CPED1: variants seen among roughly 807,000 people sequenced by gnomAD.
CPED1 encodes the protein cadherin like and PC-esterase domain containing 1.
A neutral mutation model predicts 128.2 loss-of-function variants in CPED1; 114 were observed. The ratio of observed to expected loss-of-function variants is 0.89; its 90% CI spans 0.76 to 1.04. CPED1 has a LOEUF of 1.04. Among genes scored for constraint, CPED1 ranks in the 50% least tolerant of loss-of-function variants. CPED1 has a pLI of 0.00. For synonymous variants in CPED1, 462 were observed against 426.7 expected (o/e 1.08, Z -1.02); for missense variants, 1,211 against 1,207.1 (o/e 1.00, Z -0.05).
At chr7:121,038,504 A>T (rs1433033427) in intron 3 of CPED1, among the ~76,000 whole-genome samples, 1 of 152,166 alleles carries the variant, frequency 6.6e-6, no homozygotes, top group African/African-American at 2.4e-5. Context: ...CTTTGGTGAC[A>T]TGTATAATTA....
At chr7:121,125,672 T>A (rs1795485184) in intron 8 of CPED1, 148 bp from the exon 9 acceptor site, 1 of 630,032 alleles carries the variant, frequency 1.6e-6, no homozygotes, top group African/African-American at 1.8e-5. Flanking sequence ...TAGTATTCCA[T>A]GGTGTGTATG....
At chr7:121,259,626 A>G (rs1037466285) in intron 18 of CPED1, among the ~76,000 whole-genome samples, 2 of 152,068 alleles carry the variant, frequency 1.3e-5, no homozygotes, top group Admixed American at 1.3e-4. Context: ...TGAGAACATA[A>G]TTTTGTAATC....
chr7:121,112,185 G>T (rs1795127384), intron 7 of CPED1, among the ~76,000 whole-genome samples: 1 of 152,136 alleles, frequency 6.6e-6, no homozygotes, highest in Non-Finnish European at 1.5e-5. Context: ...TGCTTGTATA[G>T]TAGATCGAAT....
chr7:121,234,819 G>A (rs1227411908), intron 16 of CPED1, among the ~76,000 whole-genome samples: 2 of 152,068 alleles, frequency 1.3e-5, no homozygotes, highest in Non-Finnish European at 2.9e-5. Context: ...ACACGTACAC[G>A]TGTGTATTTC....
chr7:121,185,484 A>G (rs1563058083), intron 16 of CPED1, among the ~76,000 whole-genome samples: 1 of 152,168 alleles, frequency 6.6e-6, no homozygotes, highest in South Asian at 2.1e-4. Context: ...TAAATGCACA[A>G]TATACAAAAC....
At chr7:121,101,781 A>T (rs1479262901) in intron 7 of CPED1, among the ~76,000 whole-genome samples, 1 of 151,990 alleles carries the variant, frequency 6.6e-6, no homozygotes, top group Non-Finnish European at 1.5e-5. Flanking sequence ...AGCAAGAGAG[A>T]TGCCAGGCTC....
At chr7:121,107,273 T>A (rs1481342054) in intron 7 of CPED1, among the ~76,000 whole-genome samples, 2 of 152,118 alleles carry the variant, frequency 1.3e-5, no homozygotes, top group Non-Finnish European at 2.9e-5. Flanking sequence ...AAGGCTTAAC[T>A]TTTTCATCAC....
intron 4 of CPED1, among the ~76,000 whole-genome samples, chr7:121,053,079 A>G (rs538533007): frequency 6.6e-6 from 1 of 152,218 alleles, no homozygotes; most frequent in South Asian, 2.1e-4. Flanking sequence ...TAATACAAAG[A>G]TTTTTCCAAA....
chr7:121,148,749 G>C (rs1284636838), intron 16 of CPED1, among the ~76,000 whole-genome samples: 1 of 152,160 alleles, frequency 6.6e-6, no homozygotes, highest in Non-Finnish European at 1.5e-5. Context: ...GTGGGTCCTA[G>C]TCACTTTTCC....
At chr7:121,072,867 A>G (rs1402593546) in intron 5 of CPED1, among the ~76,000 whole-genome samples, 2 of 152,200 alleles carry the variant, frequency 1.3e-5, no homozygotes, top group African/African-American at 4.8e-5. Context: ...TTTTTTAGAC[A>G]TTGACTCAAG....
At chr7:121,078,270 C>T (rs1466737577) in intron 5 of CPED1, among the ~76,000 whole-genome samples, 1 of 152,078 alleles carries the variant, frequency 6.6e-6, no homozygotes, top group East Asian at 1.9e-4. Flanking sequence ...GTCTCAATTT[C>T]TTGACCTTGT....
In CPED1 at chr7:121,100,069, C is replaced by CAAAGAA; in HGVS notation, c.897_902dup (p.Lys300_Lys301dup). 6.2e-7 allele frequency: 1 copy of CAAAGAA among 1,611,690 alleles called. No individual in the cohort carries two copies. The highest frequency in any genetic ancestry group is 8.5e-7 in the Non-Finnish European group (1 of 1,179,106). On this transcript the variant is annotated inframe_insertion, in exon 7 of 23. Coordinates refer to ENST00000310396, the MANE Select transcript of CPED1 (RefSeq NM_024913.5). The stretch of plus-strand genomic sequence containing the variant: ...TCGACGGGCACAGTTTGGAATCCAC[C>CAAAGAA]AAAGAAAAAACGCTTCACTGTCAAG...
chr7:121,035,849 TA>T (rs5887007), intron 3 of CPED1, among the ~76,000 whole-genome samples: 120,835 of 151,022 alleles, frequency 0.8, 48,601 homozygotes, highest in East Asian at 0.94. Context: ...ATAATAATAA[TA>T]AAAAAAAATA....
chr7:121,179,827 A>G (rs1312490346), intron 16 of CPED1, among the ~76,000 whole-genome samples: 1 of 152,088 alleles, frequency 6.6e-6, no homozygotes. Flanking sequence ...CAAATAAATT[A>G]TATTGCTTTG....
intron 18 of CPED1, among the ~76,000 whole-genome samples, chr7:121,264,702 A>G (rs568671537): frequency 7.2e-5 from 11 of 152,138 alleles, no homozygotes; most frequent in African/African-American, 2.6e-4. Context: ...CTGCCATTAA[A>G]ATCAGAAAAA....
At chr7:121,277,256 A>G (rs776080042) in intron 22 of CPED1, among the ~76,000 whole-genome samples, 4 of 152,120 alleles carry the variant, frequency 2.6e-5, no homozygotes, top group Non-Finnish European at 4.4e-5. Context: ...AAGTCACCTT[A>G]TTAGGAAAAG....
At chr7:121,007,533 G>A (rs753530418) in intron 2 of CPED1, among the ~76,000 whole-genome samples, 1 of 152,196 alleles carries the variant, frequency 6.6e-6, no homozygotes, top group Middle Eastern at 3.4e-3. Context: ...GGCAACTAAG[G>A]CATTACAGCA....
intron 16 of CPED1, among the ~76,000 whole-genome samples, chr7:121,222,809 A>T (rs1797913261): frequency 6.6e-6 from 1 of 152,182 alleles, no homozygotes; most frequent in South Asian, 2.1e-4. Flanking sequence ...TTGATTTTGT[A>T]TCCTGAGACT....
intron 7 of CPED1, among the ~76,000 whole-genome samples, chr7:121,107,063 G>A (rs1794994930): frequency 6.6e-6 from 1 of 152,062 alleles, no homozygotes; most frequent in South Asian, 2.1e-4. Flanking sequence ...CCGTAGAGAT[G>A]TTCGAAGACA....
Sources: gnomAD v4.1 joint callset for allele counts (sites outside exome capture counted in the v4.1 genomes callset) on GRCh38, gnomAD v4.1.1 for gene constraint, MANE v1.5 for transcripts, NCBI Gene and HGNC (gene_info 2026-07-23, HGNC 2026-07-21) for gene names.